Variants in CNTN4 observed in about 807,000 individuals in gnomAD.
CNTN4 encodes contactin-4.
CNTN4 carries 77 observed loss-of-function variants against 122.5 expected under a neutral mutation model. The ratio of observed to expected loss-of-function variants is 0.63; its 90% CI spans 0.52 to 0.76. The LOEUF (loss-of-function observed/expected upper bound fraction) is 0.76, where lower values mean the gene tolerates loss of function less well. Ranked by LOEUF, CNTN4 falls within the 30% of genes least tolerant of loss-of-function variation. The probability of loss-of-function intolerance (pLI) is 0.00; values close to 1 mark genes in which losing one functional copy is unlikely to be tolerated. For synonymous variants in CNTN4, 512 were observed against 447.0 expected, an observed-to-expected ratio of 1.15 and a Z score of -1.83; for missense variants, 1,256 against 1,259.1, an observed-to-expected ratio of 1.00 and a Z score of 0.04.
At chr3:2,129,901 A>G (rs2034370238) in intron 2 of CNTN4, among the ~76,000 whole-genome samples, 2 of 152,046 alleles carry the variant, frequency 1.3e-5, no homozygotes, top group African/African-American at 4.8e-5. Flanking sequence ...TTTGTGGCAG[A>G]TAGACATGTT....
chr3:2,453,331 A>G (rs917848886), intron 3 of CNTN4, among the ~76,000 whole-genome samples: 2 of 152,160 alleles, frequency 1.3e-5, no homozygotes, highest in Non-Finnish European at 2.9e-5. Flanking sequence ...TTTTAAAAAC[A>G]TTTAGGGGAA....
chr3:2,560,685 T>G (rs968595225), intron 3 of CNTN4, among the ~76,000 whole-genome samples: 1 of 152,132 alleles, frequency 6.6e-6, no homozygotes, highest in Non-Finnish European at 1.5e-5. Context: ...CAAAGACCAT[T>G]TATGTTCTTG....
At chr3:2,561,637 T>C (rs969692071) in intron 3 of CNTN4, among the ~76,000 whole-genome samples, 1 of 152,124 alleles carries the variant, frequency 6.6e-6, no homozygotes, top group African/African-American at 2.4e-5. Flanking sequence ...ATATGGATTT[T>C]CTCTCATATT....
At chr3:2,452,385 G>T (rs546890721) in intron 3 of CNTN4, among the ~76,000 whole-genome samples, 1 of 152,266 alleles carries the variant, frequency 6.6e-6, no homozygotes, top group East Asian at 1.9e-4. Flanking sequence ...GTGCAGCCAT[G>T]CTCTGCTGCA....
chr3:3,010,944 C>G (rs1400288984), intron 14 of CNTN4, among the ~76,000 whole-genome samples: 2 of 152,160 alleles, frequency 1.3e-5, no homozygotes, highest in Admixed American at 6.5e-5. Flanking sequence ...TCCACACACT[C>G]CTATTGAAGA....
rs1001892366 is a variant in CNTN4 at position 2,162,008 on chromosome 3, G to A, written c.-145+61369G>A. On this transcript the variant is annotated intron_variant, in intron 2 of 24. Coordinates refer to ENST00000418658, the MANE Select transcript of CNTN4 (RefSeq NM_175607.3). ...TAAAACCACTGCCATTTTACAGAAG[G>A]TATTGATCTTATGTCTGTTAAAATT... Among the ~76,000 whole-genome samples, 4 of 152,138 alleles carry A rather than the reference G, an allele frequency of 2.6e-5. No individual in the cohort carries two copies. The East Asian group carries it at 5.8e-4, about 22-fold the overall frequency.
chr3:2,224,497 C>T (rs963984986), intron 2 of CNTN4, among the ~76,000 whole-genome samples: 5 of 152,068 alleles, frequency 3.3e-5, no homozygotes, highest in African/African-American at 9.7e-5. Context: ...TACCTGGGTC[C>T]TTTCCCCTTA....
intron 6 of CNTN4, among the ~76,000 whole-genome samples, chr3:2,815,497 A>C (rs997049464): frequency 6.6e-6 from 1 of 152,204 alleles, no homozygotes; most frequent in South Asian, 2.1e-4. Flanking sequence ...AAAATGCTCA[A>C]CATCACTAAT....
At chr3:2,812,562 GTTTTGTTTTGTTT>G (rs2092638406) in intron 6 of CNTN4, among the ~76,000 whole-genome samples, 2 of 141,876 alleles carry the variant, frequency 1.4e-5, no homozygotes, top group South Asian at 4.4e-4. Context: ...TGTTTTTTTT[GTTTTGTTTTGTTT>G]TTTTGTTTTT....
chr3:2,961,159 G>C (rs1191940553), intron 13 of CNTN4, among the ~76,000 whole-genome samples: 2 of 139,382 alleles, frequency 1.4e-5, no homozygotes, highest in Non-Finnish European at 3.1e-5. Context: ...GAACCCGGGA[G>C]GCGGAGCTTG....
chr3:2,475,547 C>T (rs577619265), intron 3 of CNTN4, among the ~76,000 whole-genome samples: 11 of 152,266 alleles, frequency 7.2e-5, no homozygotes, highest in African/African-American at 1.2e-4. Context: ...CAAAATGTAA[C>T]AAATGATAGT....
rs553377837 is a variant in CNTN4, at chr3:2,446,510, T to C, written c.-89+107277T>C. 5.3e-5 allele frequency among the ~76,000 whole-genome samples: 8 copies of C among 152,280 alleles called. No homozygotes were observed. In the South Asian group the frequency reaches 1.7e-3, roughly 32 times the overall value. On this transcript the variant is annotated intron_variant, in intron 3 of 24. Transcript: ENST00000418658. ...TTATTCATACCAATTATTTTCTCAT[T>C]CTCTCCCTGATTCCTTTCACTCAAA...
chr3:2,101,056 C>T (rs2031907753), intron 2 of CNTN4, among the ~76,000 whole-genome samples: 1 of 152,206 alleles, frequency 6.6e-6, no homozygotes, highest in Non-Finnish European at 1.5e-5. Flanking sequence ...TAAAACTTTT[C>T]AAGTCAATTG....
intron 4 of CNTN4, among the ~76,000 whole-genome samples, chr3:2,714,352 A>G (rs1265270905): frequency 6.6e-6 from 1 of 152,182 alleles, no homozygotes; most frequent in Non-Finnish European, 1.5e-5. Context: ...AGTTCTTCAT[A>G]CTGTTCTGTA....
intron 7 of CNTN4, among the ~76,000 whole-genome samples, chr3:2,840,514 C>A (rs181976132): frequency 0.094 from 11,110 of 118,084 alleles, 1,301 homozygotes; most frequent in East Asian, 0.59. Flanking sequence ...TCCTGGCTAA[C>A]ACGGTGAAAC....
At chr3:2,648,891 G>A (rs532480188) in intron 4 of CNTN4, among the ~76,000 whole-genome samples, 8 of 152,146 alleles carry the variant, frequency 5.3e-5, no homozygotes, top group African/African-American at 9.7e-5. Flanking sequence ...TTCAGGCAAC[G>A]CATGAATAAG....
chr3:2,615,666 TG>T (rs1160414926), intron 4 of CNTN4, among the ~76,000 whole-genome samples: 1 of 152,202 alleles, frequency 6.6e-6, no homozygotes, highest in Non-Finnish European at 1.5e-5. Context: ...TAAAATTTAA[TG>T]ATTTTAAGTA....
At chr3:2,406,610 T>G (rs2047046853) in intron 3 of CNTN4, among the ~76,000 whole-genome samples, 1 of 152,056 alleles carries the variant, frequency 6.6e-6, no homozygotes, top group Non-Finnish European at 1.5e-5. Flanking sequence ...TTTTAAAATA[T>G]AAAGTAATTT....
At chr3:2,489,847 A>G (rs1004684503) in intron 3 of CNTN4, among the ~76,000 whole-genome samples, 7 of 152,106 alleles carry the variant, frequency 4.6e-5, no homozygotes, top group Non-Finnish European at 7.4e-5. Flanking sequence ...CAATTTCTCT[A>G]AAGAATGCTG....
Sources: allele counts gnomAD v4.1 joint callset (sites outside exome capture counted in the v4.1 genomes callset), GRCh38; gene constraint gnomAD v4.1.1; transcripts MANE v1.5; gene names NCBI Gene and HGNC (gene_info 2026-07-23, HGNC 2026-07-21).